Variants in DNAH5 observed in about 807,000 individuals in gnomAD.
DNAH5 encodes axonemal beta dynein heavy chain 5.
Under a neutral mutation model 518.2 loss-of-function variants are expected in DNAH5, and 372 were observed. That is an observed-to-expected ratio of 0.72 (90% CI 0.66 to 0.78). The LOEUF (loss-of-function observed/expected upper bound fraction) is 0.78, where lower values mean the gene tolerates loss of function less well. Among genes scored for constraint, DNAH5 ranks in the 30% least tolerant of loss-of-function variants. DNAH5 has a pLI of 0.00. For missense variants in DNAH5, 5,523 were observed against 5,687.0 expected (o/e 0.97, Z 0.93); for synonymous variants, 2,039 against 2,025.9 (o/e 1.01, Z -0.17).
At chr5:13,722,020 G>A (rs1745120748) in intron 70 of DNAH5, among the ~76,000 whole-genome samples, 1 of 152,096 alleles carries the variant, frequency 6.6e-6, no homozygotes, top group Non-Finnish European at 1.5e-5. Flanking sequence ...CTATTCTGGT[G>A]GTCTTCTTCC....
At chr5:13,917,650 T>C (rs981434328) in intron 7 of DNAH5, among the ~76,000 whole-genome samples, 3 of 152,206 alleles carry the variant, frequency 2.0e-5, no homozygotes, top group South Asian at 2.1e-4. Context: ...TATCCATTAA[T>C]GTAGTAATTG....
At chr5:13,920,661 AACAC>A in intron 5 of DNAH5, 44 bp from the exon 6 acceptor site, 1 of 1,610,214 alleles carries the variant, frequency 6.2e-7, no homozygotes, top group Non-Finnish European at 8.5e-7. Flanking sequence ...GCTTTTGTAA[AACAC>A]ACAGACTGTG....
intron 41 of DNAH5, among the ~76,000 whole-genome samples, chr5:13,820,020 C>T (rs1220426402): frequency 2.0e-5 from 3 of 151,982 alleles, no homozygotes; most frequent in East Asian, 1.9e-4. Flanking sequence ...TCTTTGTGAC[C>T]GTGGGCGTTT....
chr5:13,699,898 T>G (rs1041156341), intron 78 of DNAH5, among the ~76,000 whole-genome samples: 2 of 152,164 alleles, frequency 1.3e-5, no homozygotes, highest in Non-Finnish European at 2.9e-5. Context: ...TGGTTATTGC[T>G]GTAGAGATGT....
chr5:13,980,207 G>A (rs1459878033), intron 1 of DNAH5, among the ~76,000 whole-genome samples: 2 of 151,992 alleles, frequency 1.3e-5, no homozygotes, highest in East Asian at 3.9e-4. Context: ...GCACTGACCT[G>A]CTGGCTTCTC....
Position 13,714,327 on chromosome 5 carries a change from C to T in DNAH5, c.13125+78G>A, listed in dbSNP as rs575333036. 1.6e-5 allele frequency: 22 copies of T among 1,410,572 alleles called. No homozygotes were observed. The South Asian group carries it at 2.5e-4, about 16-fold the overall frequency. The allele number at this position is 1,410,572 out of a possible 1,614,324, so 87.4% of individuals were successfully genotyped here. ...AATTTCAGGAAAATCATTTTTTGCC[C>T]TCCTTTCTTCTTCCTCACTCTCCCA... On this transcript the variant is annotated intron_variant, in intron 75 of 78. Transcript: ENST00000265104.
intron 30 of DNAH5, among the ~76,000 whole-genome samples, chr5:13,859,056 T>C (rs770273621): frequency 2.0e-5 from 3 of 147,768 alleles, no homozygotes; most frequent in Non-Finnish European, 4.5e-5. Context: ...ATTGGGTACA[T>C]TGTATAGTAT....
At chr5:13,717,592 A>G in intron 72 of DNAH5, 72 bp from the exon 73 acceptor site, 1 of 1,232,326 alleles carries the variant, frequency 8.1e-7, no homozygotes. Context: ...TTTATAAGTA[A>G]TCATTTTTGT....
intron 35 of DNAH5, among the ~76,000 whole-genome samples, chr5:13,835,088 C>T (rs1446528245): frequency 6.6e-6 from 1 of 152,064 alleles, no homozygotes; most frequent in Non-Finnish European, 1.5e-5. Flanking sequence ...AGTTCAAGAA[C>T]ACCCTGGCCA....
chr5:13,735,862 A>C lies in DNAH5; in HGVS notation c.11526T>G (p.Thr3842=). 1 of 1,614,176 alleles carries C rather than the reference A, an allele frequency of 6.2e-7. No individual in the cohort carries two copies. The highest frequency in any genetic ancestry group is 8.5e-7 in the Non-Finnish European group (1 of 1,180,008). The change falls in exon 67 of 79, where the codon ACT becomes ACG. Residue 3842 remains threonine (T), a synonymous_variant. Transcript: ENST00000265104. ...ATAAGCCCAGAAACTGGCGAAGCGA[A>C]GTCTGATACATCTCATTAACCAAGC... ...EMRLVNEMYQ[T]SLRQFLGLFD...
At chr5:13,862,896 A>G (rs778118103) in intron 28 of DNAH5, 149 bp from the exon 29 acceptor site, 1 of 277,118 alleles carries the variant, frequency 3.6e-6, no homozygotes, top group Non-Finnish European at 6.4e-6. Context: ...AAAATGCAAT[A>G]TAATAAACAG....
At chr5:13,874,144 G>A (rs190941430) in intron 22 of DNAH5, among the ~76,000 whole-genome samples, 11 of 152,160 alleles carry the variant, frequency 7.2e-5, no homozygotes, top group Middle Eastern at 3.4e-3. Flanking sequence ...CAAATGATTC[G>A]TTTGCATGAC....
chr5:13,727,329 T>C (rs1745887461), intron 70 of DNAH5, among the ~76,000 whole-genome samples, 178 bp downstream of exon 70: 1 of 152,234 alleles, frequency 6.6e-6, no homozygotes, highest in Non-Finnish European at 1.5e-5. Context: ...CCCAAACATA[T>C]GCCTCAAGAC....
Sources: allele counts gnomAD v4.1 joint callset (sites outside exome capture counted in the v4.1 genomes callset), GRCh38; gene constraint gnomAD v4.1.1; transcripts MANE v1.5; gene names NCBI Gene and HGNC (gene_info 2026-07-23, HGNC 2026-07-21).